Variants in CNKSR2 observed in about 807,000 individuals in gnomAD.
CNKSR2 encodes the protein CNK homolog protein 2.
CNKSR2 carries 14 observed loss-of-function variants against 84.4 expected under a neutral mutation model. The ratio of observed to expected loss-of-function variants is 0.17; its 90% confidence interval spans 0.11 to 0.26. The LOEUF (loss-of-function observed/expected upper bound fraction) is 0.26, where lower values mean the gene tolerates loss of function less well. CNKSR2 is among the 10% of genes least tolerant of loss of function. The pLI is 1.00. For missense variants in CNKSR2, 485 were observed against 771.2 expected (o/e 0.63, Z 4.40); for synonymous variants, 275 against 277.9 (o/e 0.99, Z 0.10).
intron 5 of CNKSR2, among the ~76,000 whole-genome samples, chrX:21,486,843 G>C (rs2091390768): frequency 9.0e-6 from 1 of 111,504 alleles, no homozygotes; most frequent in African/African-American, 3.3e-5. Flanking sequence ...TTCAGGTTTT[G>C]TAAGATACAT....
At chrX:21,424,919 CA>C in intron 1 of CNKSR2, 2 of 111,974 alleles carry the variant, frequency 1.8e-5, no homozygotes, top group Non-Finnish European at 3.8e-5. Context: ...AGTGAACTCT[CA>C]CACAGATCCA....
chrX:21,449,914 G>A (rs1221969795), intron 4 of CNKSR2, among the ~76,000 whole-genome samples: 1 of 112,071 alleles, frequency 8.9e-6, no homozygotes, highest in Non-Finnish European at 1.9e-5. Context: ...TTTAAAAAAT[G>A]GCAGGTATAT....
At chrX:21,550,909 G>A (rs888136619) in intron 11 of CNKSR2, among the ~76,000 whole-genome samples, 1 of 109,526 alleles carries the variant, frequency 9.1e-6, no homozygotes, top group Non-Finnish European at 1.9e-5. Flanking sequence ...GGCAGGATGT[G>A]CCTGTAATCC....
intron 13 of CNKSR2, among the ~76,000 whole-genome samples, chrX:21,588,372 G>T (rs1046138700): frequency 8.9e-6 from 1 of 112,380 alleles, no homozygotes; most frequent in African/African-American, 3.2e-5. Context: ...AGACCTAACT[G>T]TATAGTTTTA....
At chrX:21,621,215 A>G (rs761598571) in intron 20 of CNKSR2, among the ~76,000 whole-genome samples, 62 of 111,377 alleles carry the variant, frequency 5.6e-4, no homozygotes, top group Middle Eastern at 4.7e-3. Flanking sequence ...TATTGGAACT[A>G]TTACAGTGAT....
At chrX:21,510,492 C>G (rs1370674514) in intron 8 of CNKSR2, among the ~76,000 whole-genome samples, 1 of 111,287 alleles carries the variant, frequency 9.0e-6, no homozygotes, top group Non-Finnish European at 1.9e-5. Context: ...ATTTGGAAAG[C>G]AGACCAGGGC....
chrX:21,586,861 C>T (rs1442731163), intron 13 of CNKSR2, among the ~76,000 whole-genome samples: 1 of 111,270 alleles, frequency 9.0e-6, no homozygotes, highest in Non-Finnish European at 1.9e-5. Context: ...TAAAAGGCAT[C>T]GCAGAAATAT....
At chrX:21,424,598 G>A (rs2090541256) in intron 1 of CNKSR2, 2 of 111,490 alleles carry the variant, frequency 1.8e-5, no homozygotes. Context: ...AAATAGTATG[G>A]TATTTGGATA....
intron 18 of CNKSR2, among the ~76,000 whole-genome samples, chrX:21,602,437 G>A (rs1290978688): frequency 8.9e-6 from 1 of 112,112 alleles, no homozygotes; most frequent in East Asian, 2.8e-4. Flanking sequence ...TTACAGGCAT[G>A]AGCCATCGTG....
chrX:21,478,301 A>G (rs771129130), intron 5 of CNKSR2, among the ~76,000 whole-genome samples: 7 of 111,665 alleles, frequency 6.3e-5, no homozygotes, highest in Non-Finnish European at 1.3e-4. Context: ...AATTATTTTA[A>G]CTATAAATTC....
At chrX:21,468,178 T>G (rs1348410184) in intron 4 of CNKSR2, among the ~76,000 whole-genome samples, 1 of 110,682 alleles carries the variant, frequency 9.0e-6, no homozygotes, top group Non-Finnish European at 1.9e-5. Flanking sequence ...GGGCCATGTT[T>G]TATTCATCCT....
At chrX:21,651,353 G>A (rs2092720520) in intron 21 of CNKSR2, among the ~76,000 whole-genome samples, 1 of 111,361 alleles carries the variant, frequency 9.0e-6, no homozygotes, top group Non-Finnish European at 1.9e-5. Flanking sequence ...AAGCAACCCT[G>A]GATGTGTCTA....
intron 4 of CNKSR2, among the ~76,000 whole-genome samples, chrX:21,464,421 T>A (rs1231409196): frequency 8.9e-6 from 1 of 112,098 alleles, no homozygotes; most frequent in Non-Finnish European, 1.9e-5. Context: ...AAACTAGGTA[T>A]TGTGAGTACT....
At chrX:21,534,598 C>A (rs893764102) in intron 11 of CNKSR2, among the ~76,000 whole-genome samples, 2 of 110,256 alleles carry the variant, frequency 1.8e-5, no homozygotes, top group Non-Finnish European at 3.8e-5. Flanking sequence ...GCCAGCATTT[C>A]TTATTTTTTG....
chrX:21,454,865 T>C (rs1301602771), intron 4 of CNKSR2, among the ~76,000 whole-genome samples: 2 of 112,084 alleles, frequency 1.8e-5, no homozygotes, highest in Non-Finnish European at 3.8e-5. Context: ...TTGTCTAAGT[T>C]TCAGATATAA....
chrX:21,384,948 G>A (rs958584605), intron 1 of CNKSR2, among the ~76,000 whole-genome samples: 2 of 111,769 alleles, frequency 1.8e-5, no homozygotes, highest in Non-Finnish European at 3.8e-5. Context: ...GTACAGAGAA[G>A]TTAAGCAGCT....
At chrX:21,565,870 C>T (rs929261391) in intron 13 of CNKSR2, among the ~76,000 whole-genome samples, 1 of 111,389 alleles carries the variant, frequency 9.0e-6, no homozygotes, top group Non-Finnish European at 1.9e-5. Context: ...GAAGTTTCCA[C>T]ATTTGATATG....
At chrX:21,618,643 G>C (rs182301341) in intron 20 of CNKSR2, among the ~76,000 whole-genome samples, 12 of 111,821 alleles carry the variant, frequency 1.1e-4, no homozygotes, top group African/African-American at 3.9e-4. Flanking sequence ...AGCTTTTAGA[G>C]CCACAAACTC....
At chrX:21,475,992 C>T (rs911745739) in intron 5 of CNKSR2, among the ~76,000 whole-genome samples, 3 of 111,059 alleles carry the variant, frequency 2.7e-5, no homozygotes, top group African/African-American at 6.6e-5. Flanking sequence ...TCAACCTGTA[C>T]GAGTGTCAGA....
Sources: gnomAD v4.1 joint callset for allele counts (sites outside exome capture counted in the v4.1 genomes callset) on GRCh38, gnomAD v4.1.1 for gene constraint, MANE v1.5 for transcripts, NCBI Gene and HGNC (gene_info 2026-07-23, HGNC 2026-07-21) for gene names.